QTMAN: variants seen among roughly 807,000 people sequenced by gnomAD.
QTMAN encodes the protein queuosine-tRNA mannosyltransferase.
At chr2:144,305,818 T>A in the QTMAN span, among the ~76,000 whole-genome samples, 1 of 152,232 alleles carries the variant, frequency 6.6e-6, no homozygotes, top group Non-Finnish European at 1.5e-5. Context: ...AATTTCTAGA[T>A]GCAATTATAA....
the QTMAN span, among the ~76,000 whole-genome samples, chr2:144,159,201 T>C: frequency 2.0e-5 from 3 of 152,050 alleles, no homozygotes; most frequent in South Asian, 2.1e-4. Context: ...TCTATAAAAT[T>C]TTAGTTTCTG....
chr2:143,956,872 T>C, the QTMAN span, among the ~76,000 whole-genome samples: 2 of 152,166 alleles, frequency 1.3e-5, no homozygotes, highest in Non-Finnish European at 2.9e-5. Context: ...CCACACAGTA[T>C]GTTCCAAGGG....
At chr2:144,316,499 T>C in the QTMAN span, among the ~76,000 whole-genome samples, 1 of 152,174 alleles carries the variant, frequency 6.6e-6, no homozygotes, top group Non-Finnish European at 1.5e-5. Context: ...TTGGAGGTGA[T>C]CCAATTCAGC....
At chr2:144,026,285 A>T in the QTMAN span, among the ~76,000 whole-genome samples, 1 of 152,056 alleles carries the variant, frequency 6.6e-6, no homozygotes, top group Non-Finnish European at 1.5e-5. Flanking sequence ...AATACAAAAA[A>T]TTAGCCAGGC....
the QTMAN span, among the ~76,000 whole-genome samples, chr2:144,061,864 C>T: frequency 1.8e-4 from 27 of 152,258 alleles, no homozygotes; most frequent in Non-Finnish European, 3.7e-4. Context: ...GAGGAAGCGT[C>T]TGAACATCGA....
the QTMAN span, among the ~76,000 whole-genome samples, chr2:144,305,769 T>C: frequency 6.6e-6 from 1 of 152,210 alleles, no homozygotes; most frequent in South Asian, 2.1e-4. Flanking sequence ...TAATTTTTGG[T>C]AGGTTTCAGA....
the QTMAN span, among the ~76,000 whole-genome samples, chr2:143,982,145 T>A: frequency 5.3e-5 from 8 of 152,342 alleles, no homozygotes; most frequent in African/African-American, 1.7e-4. Context: ...TTCTCCAGAA[T>A]GAGAAGCCTC....
chr2:144,318,912 T>C, the QTMAN span, among the ~76,000 whole-genome samples: 2 of 152,186 alleles, frequency 1.3e-5, no homozygotes, highest in Non-Finnish European at 2.9e-5. Context: ...AGCACTGCTT[T>C]CAAATACTCT....
chr2:144,112,533 G>C, the QTMAN span, among the ~76,000 whole-genome samples: 1 of 152,172 alleles, frequency 6.6e-6, no homozygotes, highest in Non-Finnish European at 1.5e-5. Context: ...CTAGCCAAAG[G>C]ACAAGCAAAG....
chr2:144,331,176 G>C, the QTMAN span, among the ~76,000 whole-genome samples: 2 of 152,148 alleles, frequency 1.3e-5, no homozygotes, highest in African/African-American at 4.8e-5. Flanking sequence ...TATACCAAAA[G>C]GGAGTGGGAG....
the QTMAN span, among the ~76,000 whole-genome samples, chr2:144,197,201 T>A: frequency 6.6e-6 from 1 of 152,124 alleles, no homozygotes; most frequent in Admixed American, 6.6e-5. Flanking sequence ...AGGTAAATTC[T>A]GTAGTAAAAA....
At chr2:144,102,007 A>G in the QTMAN span, among the ~76,000 whole-genome samples, 25,184 of 152,162 alleles carry the variant, frequency 0.17, 4,013 homozygotes, top group African/African-American at 0.4. Context: ...ACTGTTTCCC[A>G]TAATTTAATT....
chr2:144,110,536 G>C, the QTMAN span, among the ~76,000 whole-genome samples: 1 of 151,582 alleles, frequency 6.6e-6, no homozygotes, highest in African/African-American at 2.4e-5. Flanking sequence ...AACTTAAAGT[G>C]TTATAAAAAA....
the QTMAN span, among the ~76,000 whole-genome samples, chr2:144,136,255 G>A: frequency 6.6e-6 from 1 of 151,748 alleles, no homozygotes; most frequent in Non-Finnish European, 1.5e-5. Flanking sequence ...GAGCCCAGGA[G>A]GTCAAGGATG....
At chr2:144,250,288 C>T in the QTMAN span, among the ~76,000 whole-genome samples, 1 of 151,962 alleles carries the variant, frequency 6.6e-6, no homozygotes, top group African/African-American at 2.4e-5. Context: ...GGTTTACAGG[C>T]ATGCACCATC....
chr2:143,965,505 A>C, the QTMAN span, among the ~76,000 whole-genome samples: 1 of 152,186 alleles, frequency 6.6e-6, no homozygotes, highest in East Asian at 1.9e-4. Flanking sequence ...ACATGAATTA[A>C]CTTAGAAAGC....
chr2:144,009,801 C>T, the QTMAN span, among the ~76,000 whole-genome samples: 2 of 152,046 alleles, frequency 1.3e-5, no homozygotes, highest in South Asian at 4.2e-4. Flanking sequence ...ATTCAAAATA[C>T]TGAAGAGATT....
chr2:144,292,228 G>C, the QTMAN span, among the ~76,000 whole-genome samples: 5 of 152,132 alleles, frequency 3.3e-5, no homozygotes, highest in African/African-American at 7.2e-5. Flanking sequence ...GTTTGGGACA[G>C]TCCAGTCTAA....
At chr2:144,241,973 A>G in the QTMAN span, among the ~76,000 whole-genome samples, 3,343 of 152,312 alleles carry the variant, frequency 0.022, 50 homozygotes, top group Middle Eastern at 0.037. Context: ...GGTGGAAAAC[A>G]GAAATAACTC....
Sources: gnomAD v4.1 joint callset for allele counts (sites outside exome capture counted in the v4.1 genomes callset) on GRCh38, gnomAD v4.1.1 for gene constraint, MANE v1.5 for transcripts, NCBI Gene and HGNC (gene_info 2026-07-23, HGNC 2026-07-21) for gene names.